The following INTS1 variants were observed in gnomAD, a reference collection of about 807,000 sequenced individuals.
INTS1 encodes integrator complex subunit 1.
In INTS1, 137 loss-of-function variants were observed where a neutral mutation model predicts 241.6. That is an observed-to-expected ratio of 0.57 (90% CI 0.49 to 0.65). The LOEUF (loss-of-function observed/expected upper bound fraction) is 0.65, where lower values mean the gene tolerates loss of function less well. Among genes scored for constraint, INTS1 ranks in the 30% least tolerant of loss-of-function variants. The pLI, the probability that INTS1 is intolerant of heterozygous loss-of-function variation, is 0.00. For missense variants in INTS1, 3,073 were observed against 3,032.2 expected, an observed-to-expected ratio of 1.01 and a Z score of -0.32; for synonymous variants, 1,692 against 1,337.8, an observed-to-expected ratio of 1.26 and a Z score of -5.78.
At chr7:1,487,587 A>G in intron 19 of INTS1, 138 bp from the exon 20 acceptor site, 1 of 1,299,338 alleles carries the variant, frequency 7.7e-7, no homozygotes, top group Non-Finnish European at 1.1e-6. Flanking sequence ...GATGTCCCCA[A>G]GGCCTGGCCC....
Position 1,486,703 on chromosome 7 carries a change from C to T in INTS1, c.2898G>A (p.Gln966=). ...AGTAGTCCAGCACCTCACACGTGGT[C>T]TGCTCATCAGCCTTCGGGCCCAGTA... ...DLLLGPKADE[Q]TTCEVLDYFL... The change falls in exon 22 of 48, where the codon CAG becomes CAA. Residue 966 remains glutamine, a synonymous_variant. Coordinates refer to ENST00000404767, the MANE Select transcript of INTS1 (RefSeq NM_001080453.3). The T allele has an allele frequency of 6.2e-7, 1 of 1,612,720 alleles. No homozygotes were observed. The highest frequency in any genetic ancestry group is 8.5e-7 in the Non-Finnish European group (1 of 1,179,814).
At position 1,493,315 on chromosome 7, in the gene INTS1, T is replaced by G. The variant is rs999428980; in HGVS notation, c.2069-209A>C. On this transcript the variant is annotated intron_variant, in intron 15 of 47. Coordinates refer to ENST00000404767, the MANE Select transcript of INTS1 (RefSeq NM_001080453.3). This position sits in a 1 kb window ranked among gnomAD's most constrained non-coding sequence, Gnocchi z 5.3. ...CTCTCGGGGACACCTGGGCTGGGTC[T>G]AGAGAGCAGGCAGGGCTGCCAAGAG... Among the ~76,000 whole-genome samples, 2 of 151,336 alleles carry G rather than the reference T, an allele frequency of 1.3e-5. No individual in the cohort carries two copies. Among genetic ancestry groups the G allele is most frequent in the Non-Finnish European group, 3.0e-5 (2 of 67,792 alleles).
chr7:1,477,067 G>A, intron 35 of INTS1, 149 bp from the exon 36 acceptor site: 1 of 1,004,618 alleles, frequency 1.0e-6, no homozygotes, highest in Non-Finnish European at 1.4e-6. Flanking sequence ...GTGCTGGAGG[G>A]CCGCTCCTGG....
chr7:1,486,640 G>A lies in INTS1; in HGVS notation c.2961C>T (p.Arg987=), dbSNP rs904438098. 1.1e-5 allele frequency: 18 copies of A among 1,611,794 alleles called. No homozygotes were observed. The highest frequency in any genetic ancestry group is 3.3e-5 in the Admixed American group (2 of 59,884). The part of the protein sequence containing the change: ...RRLGSSQVAS[R]VLAMKGLSLV... The stretch of plus-strand genomic sequence containing the variant: ...ACCACCTCACCTTCATGGCCAGCAC[G>A]CGGGAGGCCACCTGGGAGGAGCCGA... Residue 987 remains arginine, a synonymous_variant, in exon 22 of 48, where the codon CGC becomes CGT. Transcript: ENST00000404767.
chr7:1,485,385 C>G lies in INTS1; in HGVS notation c.3061G>C (p.Asp1021His). ...AGCCACTGATAGCCCTGCAGCACAT[C>G]TGTGTCCCCCACATCCTCCTCCATG... is the stretch of plus-strand genomic sequence containing the variant. ...PPMEEDVGDT[D>H]VLQGYQWLLR... The change falls in exon 23 of 48, where the codon GAT becomes CAT. Residue 1021 changes from aspartate (D) to histidine (H), a missense_variant. Physicochemically the swap from Asp to His is moderately conservative, Grantham distance 81. Coordinates refer to ENST00000404767, the MANE Select transcript of INTS1 (RefSeq NM_001080453.3). 6.2e-7 allele frequency: 1 copy of G among 1,612,800 alleles called. No individual in the cohort carries two copies. The highest frequency in any genetic ancestry group is 8.5e-7 in the Non-Finnish European group (1 of 1,179,826).
rs1302980015 is a variant in INTS1, at chr7:1,470,659, A to G, written c.6491T>C (p.Leu2164Pro). 5 of 1,582,344 alleles carry G rather than the reference A, an allele frequency of 3.2e-6. No individual in the cohort carries two copies. Among genetic ancestry groups the G allele is most frequent in the Non-Finnish European group, 4.3e-6 (5 of 1,165,164 alleles). Residue 2164 changes from leucine to proline, a missense_variant, in exon 48 of 48, where the codon CTG becomes CCG. By Grantham distance (98) the Leu-to-Pro change is moderately conservative. Transcript: ENST00000404767. ...HAAVLLHRAF[L>P]VGMYGQMDPS... ...GTCCATCTGGCCGTACATGCCCACC[A>G]GGAAGGCCCGGTGGAGCAGCACAGC... is the stretch of plus-strand genomic sequence containing the variant.
chr7:1,483,511 CAGGCT>C lies in INTS1; in HGVS notation c.3541+226_3541+230del, dbSNP rs1562497692. 5 of 592,390 alleles carry C rather than the reference CAGGCT, an allele frequency of 8.4e-6. No homozygotes were observed. The East Asian group carries it at 1.4e-4, about 17-fold the overall frequency. 36.7% of individuals were successfully genotyped at this position (592,390 alleles called of 1,614,324 possible). A position where few individuals can be genotyped will look rare whatever the true frequency, so the allele number is the denominator to read the frequency against. The stretch of plus-strand genomic sequence containing the variant: ...CCAGGCCCTCCAGCTCAGGGCTCTA[CAGGCT>C]GGGAGGTCCCACCACGTGGGGATCT... On this transcript the variant is annotated intron_variant, in intron 26 of 47. Coordinates refer to ENST00000404767, the MANE Select transcript of INTS1 (RefSeq NM_001080453.3).
In INTS1 at chr7:1,504,172, G is replaced by A. The variant is rs1235886028; in HGVS notation, c.-42+151C>T. 9.3e-6 allele frequency: 5 copies of A among 538,624 alleles called. No homozygotes were observed. The Admixed American group carries it at 1.2e-4, about 13-fold the overall frequency. The allele number at this position is 538,624 out of a possible 1,614,324, so 33.4% of individuals were successfully genotyped here. ...AGGGACCCCGCCTCCCAGCCGCCCGGGAGCGGCTCAGTCGGGCGGCAGCAG... is the reference window on the plus strand; with the variant it reads ...AGGGACCCCGCCTCCCAGCCGCCCGAGAGCGGCTCAGTCGGGCGGCAGCAG... On this transcript the variant is annotated intron_variant, in intron 1 of 47. Coordinates refer to ENST00000404767, the MANE Select transcript of INTS1 (RefSeq NM_001080453.3).
In INTS1 at chr7:1,483,642, C is replaced by T. The variant is rs112945730; in HGVS notation, c.3541+100G>A. The T allele has an allele frequency of 6.6e-5, 60 of 904,670 alleles. 2 individuals carry two copies. The highest frequency in any genetic ancestry group is 4.7e-4 in the African/African-American group (29 of 61,330). 56.0% of individuals were successfully genotyped at this position (904,670 alleles called of 1,614,324 possible). A position where few individuals can be genotyped will look rare whatever the true frequency, so the allele number is the denominator to read the frequency against. On this transcript the variant is annotated intron_variant, in intron 26 of 47. Coordinates refer to ENST00000404767, the MANE Select transcript of INTS1 (RefSeq NM_001080453.3). ...AGGGTTGAAGGGCTGGGGGGCTTCC[C>T]GCCCAGAAGCAAGGCAAGGATGCGG...
In INTS1 at chr7:1,470,939, G is replaced by T; in HGVS notation, c.6364C>A (p.Leu2122Met). 1 of 1,570,942 alleles carries T rather than the reference G, an allele frequency of 6.4e-7. No homozygotes were observed. The highest frequency in any genetic ancestry group is 1.7e-4 in the Middle Eastern group (1 of 6,010). Residue 2122 changes from leucine (L) to methionine (M), a missense_variant, in exon 47 of 48, where the codon CTG (leucine) becomes ATG (methionine). Leu to Met is a conservative substitution (Grantham distance 15, BLOSUM62 2). Coordinates refer to ENST00000404767, the MANE Select transcript of INTS1 (RefSeq NM_001080453.3). ...CCCAGGCAGTACATGAACGTGGGCAGGAAAGCGGCTGCAATGCTGAAAGAC... is the reference window on the plus strand; with the variant it reads ...CCCAGGCAGTACATGAACGTGGGCATGAAAGCGGCTGCAATGCTGAAAGAC... ...QNSPSIAAAF[L>M]PTFMYCLGSQ... is the part of the protein sequence containing the mutation.
chr7:1,470,561 G>A lies in INTS1; in HGVS notation c.*16C>T, dbSNP rs780065113. On this transcript the variant is annotated 3_prime_UTR_variant, in exon 48 of 48. Coordinates refer to ENST00000404767, the MANE Select transcript of INTS1 (RefSeq NM_001080453.3). ...GGGACGGGCCGGGGCTTGGAGGGGG[G>A]TCGGCTGCCACAGGCTCACATCACG... 9.2e-6 allele frequency: 14 copies of A among 1,527,468 alleles called. No individual in the cohort carries two copies. Among genetic ancestry groups the A allele is most frequent in the Admixed American group, 4.0e-5 (2 of 49,808 alleles). 94.6% of individuals were successfully genotyped at this position (1,527,468 alleles called of 1,614,324 possible).
chr7:1,481,117 G>T lies in INTS1; in HGVS notation c.3851-184C>A. ...CAGCTCCCTCCAAGCTCAAAACACG[G>T]CCCTAGGGGGTGCCTGGCCCCAGGG... is the stretch of plus-strand genomic sequence containing the variant. On this transcript the variant is annotated intron_variant, in intron 28 of 47. Transcript: ENST00000404767. The surrounding 1 kb of genome is among the most constrained non-coding windows in gnomAD (Gnocchi z 6.8). 1.4e-6 allele frequency: 1 copy of T among 699,238 alleles called. No individual in the cohort carries two copies. Among genetic ancestry groups the T allele is most frequent in the Non-Finnish European group, 2.5e-6 (1 of 402,540 alleles). 43.3% of individuals were successfully genotyped at this position (699,238 alleles called of 1,614,324 possible). A position where few individuals can be genotyped will look rare whatever the true frequency, so the allele number is the denominator to read the frequency against.
intron 40 of INTS1, 72 bp from the exon 41 acceptor site, chr7:1,474,432 C>G: frequency 3.5e-6 from 5 of 1,448,800 alleles, no homozygotes; most frequent in Non-Finnish European, 4.6e-6. Flanking sequence ...AGGAAGGCCC[C>G]ACTGCCTGCC....
chr7:1,490,349 C>T (rs190785979), intron 16 of INTS1, among the ~76,000 whole-genome samples: 2 of 151,806 alleles, frequency 1.3e-5, no homozygotes, highest in African/African-American at 2.4e-5. Flanking sequence ...CATAAAGGGA[C>T]GCCCCTGAAA....
Position 1,481,462 on chromosome 7 carries a change from G to C in INTS1, c.3730C>G (p.Leu1244Val), listed in dbSNP as rs773641507. 1 of 1,610,746 alleles carries C rather than the reference G, an allele frequency of 6.2e-7. No individual in the cohort carries two copies. The highest frequency in any genetic ancestry group is 8.5e-7 in the Non-Finnish European group (1 of 1,178,600). Reference sequence around the variant, plus strand: ...CCAAACGACTGCACGAACAGCAGCAGCTGCTGCGGCTCCAGGTCCTGCAGG... The same window carrying C: ...CCAAACGACTGCACGAACAGCAGCACCTGCTGCGGCTCCAGGTCCTGCAGG... ...AALQDLEPQQ[L>V]LLFVQSFGIP... The change falls in exon 28 of 48, where the codon CTG (leucine) becomes GTG (valine). Residue 1244 changes from leucine to valine, a missense_variant. Physicochemically the swap from Leu to Val is conservative, Grantham distance 32. Coordinates refer to ENST00000404767, the MANE Select transcript of INTS1 (RefSeq NM_001080453.3). This position sits in a 1 kb window ranked among gnomAD's most constrained non-coding sequence, Gnocchi z 6.8.
chr7:1,471,389 A>G (rs1293891075), intron 45 of INTS1, among the ~76,000 whole-genome samples, 165 bp from the exon 46 acceptor site: 1 of 152,160 alleles, frequency 6.6e-6, no homozygotes, highest in African/African-American at 2.4e-5. Context: ...CCGGGGCTGA[A>G]GGCAGGCCTG....
intron 21 of INTS1, 60 bp downstream of exon 21, chr7:1,486,862 G>GAT: frequency 6.3e-7 from 1 of 1,581,164 alleles, no homozygotes. Context: ...TCAGGCATGG[G>GAT]TTGCCCTGAC....
intron 39 of INTS1, among the ~76,000 whole-genome samples, chr7:1,475,666 C>T (rs1160386520): frequency 6.6e-6 from 1 of 152,198 alleles, no homozygotes; most frequent in Admixed American, 6.5e-5. Flanking sequence ...CCCACGTCCA[C>T]CAGCAGGTGA....
In INTS1 at chr7:1,481,285, C is replaced by T. The variant is rs1260479185; in HGVS notation, c.3850+57G>A. 7.5e-6 allele frequency: 12 copies of T among 1,603,270 alleles called. No homozygotes were observed. Among genetic ancestry groups the T allele is most frequent in the African/African-American group, 6.7e-5 (5 of 74,750 alleles). On this transcript the variant is annotated intron_variant, in intron 28 of 47. Coordinates refer to ENST00000404767, the MANE Select transcript of INTS1 (RefSeq NM_001080453.3). The surrounding 1 kb of genome is among the most constrained non-coding windows in gnomAD (Gnocchi z 6.8). The stretch of plus-strand genomic sequence containing the variant: ...CGCACCCAGGCCCCAAAAGCCTGGC[C>T]GGGCTGGGGCTCGGTCAGCGTGTGT...
Sources: allele counts gnomAD v4.1 joint callset (sites outside exome capture counted in the v4.1 genomes callset), GRCh38; gene constraint gnomAD v4.1.1; non-coding constraint Gnocchi (gnomAD v3.1); transcripts MANE v1.5; gene names NCBI Gene and HGNC (gene_info 2026-07-23, HGNC 2026-07-21).